The following PCDH15 variants were observed in gnomAD, a reference collection of about 807,000 sequenced individuals.
The protein encoded by PCDH15 is protocadherin-15.
In PCDH15, 129 loss-of-function variants were observed where a neutral mutation model predicts 178.5. The observed-to-expected ratio is 0.72, with a 90% CI of 0.63 to 0.84. The LOEUF is 0.84. PCDH15 is among the 40% of genes least tolerant of loss of function. The pLI is 0.00. For missense variants in PCDH15, 2,230 were observed against 2,099.9 expected, an observed-to-expected ratio of 1.06 and a Z score of -1.21; for synonymous variants, 800 against 732.0, an observed-to-expected ratio of 1.09 and a Z score of -1.50.
intron 13 of PCDH15, among the ~76,000 whole-genome samples, chr10:54,173,517 A>G (rs1010253950): frequency 1.3e-5 from 2 of 151,990 alleles, no homozygotes; most frequent in African/African-American, 4.8e-5. Flanking sequence ...GTAGTTTAAA[A>G]TATTTTACTT....
chr10:54,300,328 C>T (rs1436055375), intron 8 of PCDH15, among the ~76,000 whole-genome samples: 1 of 152,160 alleles, frequency 6.6e-6, no homozygotes, highest in African/African-American at 2.4e-5. Flanking sequence ...TGCAATTACT[C>T]ACCTTTGGGC....
chr10:54,288,249 G>T (rs1264226512), intron 8 of PCDH15, among the ~76,000 whole-genome samples: 1 of 152,134 alleles, frequency 6.6e-6, no homozygotes, highest in Non-Finnish European at 1.5e-5. Flanking sequence ...GAACCCAGGA[G>T]GGAGAGGTTG....
chr10:54,577,624 G>T (rs1002193035), intron 2 of PCDH15, among the ~76,000 whole-genome samples: 1 of 151,918 alleles, frequency 6.6e-6, no homozygotes, highest in Non-Finnish European at 1.5e-5. Context: ...AAAAACAAAA[G>T]TTCAAGGCAA....
intron 1 of PCDH15, among the ~76,000 whole-genome samples, chr10:54,779,603 C>T (rs1016105156): frequency 3.4e-5 from 5 of 148,776 alleles, no homozygotes; most frequent in South Asian, 2.1e-4. Flanking sequence ...TGTGATGCTC[C>T]GGGCTGGTAT....
intron 3 of PCDH15, among the ~76,000 whole-genome samples, chr10:54,449,075 T>A (rs1327947362): frequency 1.3e-5 from 2 of 151,720 alleles, no homozygotes; most frequent in African/African-American, 2.4e-5. Flanking sequence ...ATTCCTTGGC[T>A]ACGGCAGGGA....
intron 1 of PCDH15, among the ~76,000 whole-genome samples, chr10:54,679,317 T>A (rs966439476): frequency 5.9e-5 from 9 of 152,002 alleles, no homozygotes; most frequent in Non-Finnish European, 1.2e-4. Flanking sequence ...AGAAAAACAA[T>A]TATTTGTATC....
chr10:54,391,553 A>G (rs1950548960), intron 3 of PCDH15, among the ~76,000 whole-genome samples: 1 of 151,500 alleles, frequency 6.6e-6, no homozygotes, highest in Non-Finnish European at 1.5e-5. Context: ...TCATACACTG[A>G]CAAACAAGGA....
chr10:54,287,898 G>A (rs1207957018), intron 8 of PCDH15, among the ~76,000 whole-genome samples: 4 of 152,110 alleles, frequency 2.6e-5, no homozygotes, highest in Non-Finnish European at 5.9e-5. Flanking sequence ...GATGGACTCT[G>A]GACGCTAGAT....
intron 2 of PCDH15, among the ~76,000 whole-genome samples, chr10:55,485,182 T>G (rs1840270288): frequency 6.6e-6 from 1 of 151,640 alleles, no homozygotes; most frequent in African/African-American, 2.4e-5. Flanking sequence ...CATAACTCAA[T>G]AGCAAAAAAA....
intron 18 of PCDH15, among the ~76,000 whole-genome samples, chr10:54,032,152 T>C (rs2135429487): frequency 6.6e-6 from 1 of 152,106 alleles, no homozygotes; most frequent in African/African-American, 2.4e-5. Context: ...TCTAAGTGCA[T>C]TTTGCCATAC....
chr10:54,261,913 T>A (rs987158442), intron 8 of PCDH15, among the ~76,000 whole-genome samples: 1 of 152,046 alleles, frequency 6.6e-6, no homozygotes, highest in Non-Finnish European at 1.5e-5. Flanking sequence ...ACACTGAAAG[T>A]TGATACAGAG....
At chr10:55,316,065 G>C (rs11594351) in intron 1 of PCDH15, among the ~76,000 whole-genome samples, 45,971 of 152,016 alleles carry the variant, frequency 0.3, 8,160 homozygotes, top group Admixed American at 0.4. Flanking sequence ...TAATCAAAAG[G>C]ACTCACACAA....
At chr10:54,465,452 A>G (rs374152978) in intron 3 of PCDH15, among the ~76,000 whole-genome samples, 1 of 151,920 alleles carries the variant, frequency 6.6e-6, no homozygotes, top group Non-Finnish European at 1.5e-5. Flanking sequence ...TACCTTCATG[A>G]TATTACCTTT....
intron 30 of PCDH15, chr10:53,831,068 G>A: frequency 2.8e-6 from 2 of 719,598 alleles, no homozygotes; most frequent in South Asian, 2.8e-5. Context: ...GAACTAAGGT[G>A]ATATTTCTAT....
At chr10:54,925,493 T>G (rs745961930) in intron 2 of PCDH15, among the ~76,000 whole-genome samples, 1 of 152,184 alleles carries the variant, frequency 6.6e-6, no homozygotes, top group Non-Finnish European at 1.5e-5. Flanking sequence ...ATGTCATTGG[T>G]ATTTCCATAG....
At chr10:54,066,002 CTG>C (rs938950053) in intron 18 of PCDH15, among the ~76,000 whole-genome samples, 2 of 152,154 alleles carry the variant, frequency 1.3e-5, no homozygotes, top group African/African-American at 4.8e-5. Flanking sequence ...ACCCTGAACT[CTG>C]GGTTTGGAAC....
intron 2 of PCDH15, among the ~76,000 whole-genome samples, chr10:55,431,719 T>C (rs1838883944): frequency 6.6e-6 from 1 of 152,126 alleles, no homozygotes; most frequent in South Asian, 2.1e-4. Context: ...TTTTCCAAAA[T>C]TCTATGTTAC....
intron 9 of PCDH15, among the ~76,000 whole-genome samples, chr10:54,236,211 A>C (rs1291852454): frequency 3.3e-5 from 5 of 152,172 alleles, no homozygotes; most frequent in Non-Finnish European, 7.4e-5. Flanking sequence ...TTTCAGCAAA[A>C]GCAATCTAAG....
chr10:55,162,645 A>G (rs1839095368), intron 2 of PCDH15, among the ~76,000 whole-genome samples: 1 of 152,158 alleles, frequency 6.6e-6, no homozygotes, highest in African/African-American at 2.4e-5. Flanking sequence ...TTGTAAAACT[A>G]ATGAAAGTCC....
Sources: allele counts gnomAD v4.1 joint callset (sites outside exome capture counted in the v4.1 genomes callset), GRCh38; gene constraint gnomAD v4.1.1; transcripts MANE v1.5; gene names NCBI Gene and HGNC (gene_info 2026-07-23, HGNC 2026-07-21).